VRK3: variants seen among roughly 807,000 people sequenced by gnomAD.
The protein encoded by VRK3 is VRK serine/threonine kinase 3.
Under a neutral mutation model 60.4 loss-of-function variants are expected in VRK3, and 50 were observed. That is an observed-to-expected ratio of 0.83 (90% CI 0.66 to 1.05). VRK3 has a LOEUF of 1.05. VRK3 is among the 50% of genes least tolerant of loss of function. The pLI, the probability that VRK3 is intolerant of heterozygous loss-of-function variation, is 0.00. For synonymous variants in VRK3, 246 were observed against 227.8 expected (o/e 1.08, Z -0.72); for missense variants, 549 against 585.3 (o/e 0.94, Z 0.64).
intron 2 of VRK3, among the ~76,000 whole-genome samples, chr19:50,017,746 C>A (rs2122623747): frequency 6.6e-6 from 1 of 152,254 alleles, no homozygotes; most frequent in East Asian, 1.9e-4. Context: ...TCATGGCTCA[C>A]TGCAGCCTCA....
At chr19:50,018,906 C>T (rs987943989) in intron 2 of VRK3, 2 of 152,070 alleles carry the variant, frequency 1.3e-5, no homozygotes, top group Non-Finnish European at 2.9e-5. Flanking sequence ...TGGCTCATGC[C>T]TGTAATCCCA....
intron 2 of VRK3, among the ~76,000 whole-genome samples, chr19:50,017,659 G>C (rs992931374): frequency 4.7e-5 from 7 of 148,304 alleles, no homozygotes; most frequent in Non-Finnish European, 7.4e-5. Context: ...ATTTCACCTT[G>C]AAAGAGAATA....
intron 13 of VRK3, among the ~76,000 whole-genome samples, 189 bp downstream of exon 13, chr19:49,980,766 T>TAAAC (rs914975737): frequency 1.1e-4 from 16 of 150,208 alleles, no homozygotes; most frequent in African/African-American, 4.0e-4. Flanking sequence ...GTTGTGTTTT[T>TAAAC]GTTTTGTTTT....
At chr19:49,978,950 C>A (rs1050868457) in intron 14 of VRK3, 133 bp downstream of exon 14, 3 of 957,746 alleles carry the variant, frequency 3.1e-6, no homozygotes, top group Non-Finnish European at 4.4e-6. Flanking sequence ...TGCGGAAAAA[C>A]CCAGTGTCTC....
chr19:49,999,249 T>C (rs964552083), intron 6 of VRK3: 1 of 152,320 alleles, frequency 6.6e-6, no homozygotes, highest in African/African-American at 2.4e-5. Context: ...CCCTGCCCCA[T>C]CTTCTCCTCT....
chr19:50,009,646 A>G (rs958654876), intron 3 of VRK3, among the ~76,000 whole-genome samples: 10 of 152,022 alleles, frequency 6.6e-5, no homozygotes, highest in African/African-American at 2.4e-4. Flanking sequence ...ATATGTATGT[A>G]TATTTGAGAT....
At chr19:50,003,453 G>A (rs532460660) in intron 5 of VRK3, among the ~76,000 whole-genome samples, 33 of 152,334 alleles carry the variant, frequency 2.2e-4, no homozygotes, top group Admixed American at 1.0e-3. Context: ...TGCTGCTCAC[G>A]GGCAGCTCTC....
At chr19:49,993,030 G>A (rs1321371466) in intron 9 of VRK3, 78 bp from the exon 10 acceptor site, 2 of 1,319,408 alleles carry the variant, frequency 1.5e-6, no homozygotes, top group African/African-American at 1.4e-5. Context: ...CCAGGAGGGA[G>A]CCCCACTATT....
At chr19:49,988,325 G>A in intron 12 of VRK3, 47 bp downstream of exon 12, 1 of 1,561,400 alleles carries the variant, frequency 6.4e-7, no homozygotes, top group Non-Finnish European at 8.6e-7. Context: ...CCACCTGCAG[G>A]GGTTCTGCTG....
chr19:50,020,285 C>G (rs1247170893), intron 2 of VRK3, among the ~76,000 whole-genome samples: 2 of 152,204 alleles, frequency 1.3e-5, no homozygotes, highest in Non-Finnish European at 2.9e-5. Flanking sequence ...AAGTGATCCA[C>G]CCGCCTCAGC....
chr19:49,981,812 ACG>A, intron 12 of VRK3: 2 of 1,138,094 alleles, frequency 1.8e-6, no homozygotes, highest in East Asian at 5.6e-5. Context: ...ACACACACAC[ACG>A]CACACTGGTC....
At chr19:49,981,641 ACT>A (rs2076423826) in intron 12 of VRK3, 1 of 903,198 alleles carries the variant, frequency 1.1e-6, no homozygotes, top group South Asian at 5.0e-5. Context: ...TTAGCATTGA[ACT>A]CTTTTAATCT....
At chr19:49,979,447 T>G (rs956120869) in intron 13 of VRK3, among the ~76,000 whole-genome samples, 1 of 152,136 alleles carries the variant, frequency 6.6e-6, no homozygotes, top group Admixed American at 6.5e-5. Context: ...CAGGCACCAG[T>G]AGAAGGGCAT....
At position 49,989,170 on chromosome 19, in the gene VRK3, G is replaced by T. The variant is rs568247972; in HGVS notation, c.1096+469C>A. 9.2e-5 allele frequency among the ~76,000 whole-genome samples: 14 copies of T among 152,226 alleles called. No individual in the cohort carries two copies. The South Asian group carries it at 2.9e-3, about 32-fold the overall frequency. On this transcript the variant is annotated intron_variant, in intron 11 of 14. Coordinates refer to ENST00000316763, the MANE Select transcript of VRK3 (RefSeq NM_016440.4). ...ACGGCCATGATATAAAGGGATGTGA[G>T]AAAGAGGGGCTCAAGAAATCTGCCC... is the stretch of plus-strand genomic sequence containing the variant.
intron 14 of VRK3, chr19:49,978,751 G>T: frequency 4.8e-6 from 1 of 208,782 alleles, no homozygotes; most frequent in South Asian, 8.7e-5. Flanking sequence ...ATGCAAGAAG[G>T]GACAGAAGAT....
chr19:49,997,535 G>A lies in VRK3; in HGVS notation c.648C>T (p.Asn216=), dbSNP rs1480835878. The change falls in exon 7 of 15, where the codon AAC becomes AAT. Residue 216 remains asparagine, a synonymous_variant. Transcript: ENST00000316763. ...AKDGRLFNEQ[N]FFQRAAKPLQ... ...GAGGCTTGGCGGCCCGCTGGAAGAA[G>A]TTCTGCTCATTGAACAAGCGCCCAT... 2 of 1,614,010 alleles carry A rather than the reference G, an allele frequency of 1.2e-6. No homozygotes were observed. Among genetic ancestry groups the A allele is most frequent in the East Asian group, 2.2e-5 (1 of 44,870 alleles).
chr19:49,997,996 G>A (rs1231649188), intron 6 of VRK3: 3 of 154,216 alleles, frequency 1.9e-5, no homozygotes, highest in African/African-American at 7.2e-5. Context: ...AGATGTGATG[G>A]TGGAAGCTGA....
chr19:49,992,742 T>C, intron 10 of VRK3, 118 bp downstream of exon 10: 1 of 888,590 alleles, frequency 1.1e-6, no homozygotes. Flanking sequence ...GAGCTCTTTA[T>C]ATATGATGGA....
At chr19:50,021,587 C>T (rs1243520197) in intron 1 of VRK3, among the ~76,000 whole-genome samples, 1 of 152,222 alleles carries the variant, frequency 6.6e-6, no homozygotes, top group Non-Finnish European at 1.5e-5. Flanking sequence ...ACTTAAACCC[C>T]AGCCTTCAAG....
Sources: allele counts gnomAD v4.1 joint callset (sites outside exome capture counted in the v4.1 genomes callset), GRCh38; gene constraint gnomAD v4.1.1; transcripts MANE v1.5; gene names NCBI Gene and HGNC (gene_info 2026-07-23, HGNC 2026-07-21).